Variants in MYOM1 observed in about 807,000 individuals in gnomAD.
The protein encoded by MYOM1 is myomesin 1, also known as myomesin-1.
Under a neutral mutation model 205.3 loss-of-function variants are expected in MYOM1, and 164 were observed. The observed-to-expected ratio is 0.80, with a 90% CI of 0.70 to 0.91. The LOEUF is 0.91. MYOM1 is among the 40% of genes least tolerant of loss of function. MYOM1 has a pLI of 0.00. For missense variants in MYOM1, 2,011 were observed against 2,127.3 expected (o/e 0.95, Z 1.08); for synonymous variants, 772 against 789.4 (o/e 0.98, Z 0.37).
Position 3,150,116 on chromosome 18 carries a change from G to A in MYOM1, c.1844-915C>T, listed in dbSNP as rs529150064. Among the ~76,000 whole-genome samples the A allele has an allele frequency of 5.9e-5, 9 of 152,206 alleles. No homozygotes were observed. In the South Asian group the frequency reaches 1.9e-3, roughly 32 times the overall value. ...GCTCTGTCGCCTAGGCTGGAGTGCA[G>A]TGGCGCGATCTCAGCTCACTGCAAC... On this transcript the variant is annotated intron_variant, in intron 12 of 37. Coordinates refer to ENST00000356443, the MANE Select transcript of MYOM1 (RefSeq NM_003803.4).
intron 2 of MYOM1, among the ~76,000 whole-genome samples, chr18:3,214,668 ACG>A: frequency 6.6e-6 from 1 of 152,084 alleles, no homozygotes; most frequent in Non-Finnish European, 1.5e-5. Flanking sequence ...CACTAAAAAC[ACG>A]ACATGAGCCG....
intron 10 of MYOM1, among the ~76,000 whole-genome samples, chr18:3,163,386 T>G (rs1436557504): frequency 6.6e-6 from 1 of 152,146 alleles, no homozygotes; most frequent in African/African-American, 2.4e-5. Flanking sequence ...GATGGAAACA[T>G]GGTCTGGAAA....
In MYOM1 at chr18:3,131,509, C is replaced by T. The variant is rs116126674; in HGVS notation, c.2385-13G>A. 460 of 1,605,834 alleles carry T rather than the reference C, an allele frequency of 2.9e-4. 1 individual carries two copies. In the African/African-American group the frequency reaches 4.2e-3, roughly 15 times the overall value. On this transcript the variant is annotated splice_polypyrimidine_tract_variant and intron_variant, in intron 16 of 37. Coordinates refer to ENST00000356443, the MANE Select transcript of MYOM1 (RefSeq NM_003803.4). The stretch of plus-strand genomic sequence containing the variant: ...ATGACAAGTGAATCTAAAAGGAAAA[C>T]AAGTTTTAAAAAATTTTCCTAGGAG...
At chr18:3,101,161 G>C (rs575940229) in intron 23 of MYOM1, among the ~76,000 whole-genome samples, 77 of 152,304 alleles carry the variant, frequency 5.1e-4, no homozygotes, top group African/African-American at 1.8e-3. Context: ...CATGGTGGCA[G>C]AAAAACATCC....
chr18:3,078,883 G>A (rs1732774645), intron 34 of MYOM1, among the ~76,000 whole-genome samples: 1 of 151,708 alleles, frequency 6.6e-6, no homozygotes, highest in Admixed American at 6.6e-5. Context: ...TGTTGCTACA[G>A]GCTGGCTGGT....
At chr18:3,127,305 A>ATATTTTTTTTTTT (rs56880961) in intron 18 of MYOM1, among the ~76,000 whole-genome samples, 8 of 47,570 alleles carry the variant, frequency 1.7e-4, no homozygotes, top group East Asian at 6.4e-4. Context: ...ATATATATAT[A>ATATTTTTTTTTTT]TTTTTTTTTT....
At chr18:3,078,737 T>C (rs1466734627) in intron 34 of MYOM1, among the ~76,000 whole-genome samples, 2 of 152,212 alleles carry the variant, frequency 1.3e-5, no homozygotes, top group Non-Finnish European at 2.9e-5. Flanking sequence ...CAGACTATTT[T>C]ATTTTTGTAA....
At chr18:3,087,104 G>A (rs1172837765) in intron 29 of MYOM1, among the ~76,000 whole-genome samples, 1 of 152,170 alleles carries the variant, frequency 6.6e-6, no homozygotes, top group Non-Finnish European at 1.5e-5. Context: ...ATTGTAGAAA[G>A]TGTGTTACCA....
chr18:3,076,917 T>G (rs2079026301), intron 34 of MYOM1, among the ~76,000 whole-genome samples: 1 of 152,070 alleles, frequency 6.6e-6, no homozygotes, highest in Non-Finnish European at 1.5e-5. Flanking sequence ...TTTCACCACA[T>G]TGGCCAGGAT....
chr18:3,244,146 C>T, the MYOM1 span, among the ~76,000 whole-genome samples: 2 of 152,114 alleles, frequency 1.3e-5, no homozygotes, highest in African/African-American at 4.8e-5. Flanking sequence ...TGGCTTCTCC[C>T]CACTAGATGC....
At chr18:3,245,661 T>A in the MYOM1 span, among the ~76,000 whole-genome samples, 3 of 152,196 alleles carry the variant, frequency 2.0e-5, no homozygotes, top group Non-Finnish European at 4.4e-5. Context: ...ACACAATTCC[T>A]GTTCATCTTC....
intron 8 of MYOM1, among the ~76,000 whole-genome samples, chr18:3,171,226 G>A (rs7235847): frequency 0.62 from 93,715 of 151,990 alleles, 29,179 homozygotes; most frequent in Non-Finnish European, 0.65. Flanking sequence ...CAACAGTGAA[G>A]TAACCTCTTT....
the MYOM1 span, among the ~76,000 whole-genome samples, chr18:3,237,788 G>A: frequency 2.0e-5 from 3 of 152,090 alleles, no homozygotes; most frequent in East Asian, 1.9e-4. Flanking sequence ...GGTTACTGGG[G>A]GAAGGGAGGA....
chr18:3,154,421 C>T (rs1176624555), intron 11 of MYOM1, among the ~76,000 whole-genome samples: 1 of 151,778 alleles, frequency 6.6e-6, no homozygotes, highest in Admixed American at 6.6e-5. Flanking sequence ...CTAACAGAGG[C>T]CATCTTGGAA....
Position 3,219,741 on chromosome 18 carries a change from C to T in MYOM1, c.-29+62G>A, listed in dbSNP as rs1433094907. On this transcript the variant is annotated intron_variant, in intron 1 of 37. Transcript: ENST00000356443. The surrounding 1 kb of genome is among the most constrained non-coding windows in gnomAD (Gnocchi z 4.4). ...AGAAGACAGAAAGAAAGCACTTACA[C>T]TGCACTGCTGCTAAGCTCATAAGCT... The T allele has an allele frequency of 6.6e-6, 1 of 152,244 alleles. No homozygotes were observed. The highest frequency in any genetic ancestry group is 1.5e-5 in the Non-Finnish European group (1 of 68,044). The allele number at this position is 152,244 out of a possible 1,614,324, so 9.4% of individuals were successfully genotyped here. A position where few individuals can be genotyped will look rare whatever the true frequency, so the allele number is the denominator to read the frequency against.
intron 22 of MYOM1, among the ~76,000 whole-genome samples, chr18:3,109,459 A>G (rs2079495554): frequency 6.6e-6 from 1 of 152,210 alleles, no homozygotes; most frequent in Non-Finnish European, 1.5e-5. Flanking sequence ...TTCTGCTATC[A>G]AAGTAAAGTG....
chr18:3,182,869 G>A (rs1003125327), intron 5 of MYOM1, among the ~76,000 whole-genome samples: 9 of 150,980 alleles, frequency 6.0e-5, no homozygotes, highest in South Asian at 2.1e-4. Flanking sequence ...CCAGCTTCAC[G>A]GTAGGGGTGC....
chr18:3,178,957 T>G (rs2080689327), intron 5 of MYOM1, among the ~76,000 whole-genome samples: 1 of 152,044 alleles, frequency 6.6e-6, no homozygotes, highest in Non-Finnish European at 1.5e-5. Flanking sequence ...AACCTCCACC[T>G]CCCAGGCTCG....
At chr18:3,198,800 A>G (rs1033309369) in intron 2 of MYOM1, among the ~76,000 whole-genome samples, 8 of 151,934 alleles carry the variant, frequency 5.3e-5, no homozygotes, top group Non-Finnish European at 1.2e-4. Context: ...GAAAAAAAAA[A>G]AAAAAGATTT....
Sources: allele counts gnomAD v4.1 joint callset (sites outside exome capture counted in the v4.1 genomes callset), GRCh38; gene constraint gnomAD v4.1.1; non-coding constraint Gnocchi (gnomAD v3.1); transcripts MANE v1.5; gene names NCBI Gene and HGNC (gene_info 2026-07-23, HGNC 2026-07-21).